The following DBT variants were observed in gnomAD, a reference collection of about 807,000 sequenced individuals.
The protein encoded by DBT is dihydrolipoamide branched chain transacylase E2.
A neutral mutation model predicts 51.3 loss-of-function variants in DBT; 40 were observed. That is an observed-to-expected ratio of 0.78 (90% CI 0.61 to 1.02). The LOEUF is 1.02. DBT is among the 50% of genes least tolerant of loss of function. DBT has a pLI of 0.00. For synonymous variants in DBT, 181 were observed against 190.4 expected, an observed-to-expected ratio of 0.95 and a Z score of 0.41; for missense variants, 510 against 580.2, an observed-to-expected ratio of 0.88 and a Z score of 1.24.
Position 100,217,312 on chromosome 1 carries a change from A to C in DBT, c.556-1113T>G, listed in dbSNP as rs192462129. Among the ~76,000 whole-genome samples the C allele has an allele frequency of 3.3e-3, 505 of 152,298 alleles. 9 individuals are homozygous for C. The highest frequency in any genetic ancestry group is 7.4e-4 in the Non-Finnish European group (50 of 68,012). ...TTTATAGATTTCAAAGCAAAATGTT[A>C]AATCATTATTTCATCTGATGCCCTT... On this transcript the variant is annotated intron_variant, in intron 5 of 10. Coordinates refer to ENST00000370132, the MANE Select transcript of DBT (RefSeq NM_001918.5).
chr1:100,196,034 C>T lies in DBT; in HGVS notation c.*221G>A, dbSNP rs776380372. 3 of 588,214 alleles carry T rather than the reference C, an allele frequency of 5.1e-6. No homozygotes were observed. The highest frequency in any genetic ancestry group is 9.0e-6 in the Non-Finnish European group (3 of 332,414). 36.4% of individuals were successfully genotyped at this position (588,214 alleles called of 1,614,324 possible). On this transcript the variant is annotated 3_prime_UTR_variant, in exon 11 of 11. Transcript: ENST00000370132. ...ATCAGCACCATATTAAGAAGTCACA[C>T]TCTGACCTATAAAATGTGACAGCCC...
chr1:100,247,307 G>A (rs931273169), intron 1 of DBT, among the ~76,000 whole-genome samples: 4 of 152,184 alleles, frequency 2.6e-5, no homozygotes, highest in Admixed American at 1.3e-4. Flanking sequence ...ACCACTGGAG[G>A]CATATAATCC....
rs1660697846 is a variant in DBT, at chr1:100,189,140, A to G, written c.*7115T>C. On this transcript the variant is annotated 3_prime_UTR_variant, in exon 11 of 11. Transcript: ENST00000370132. ...CAGATCACTTGAGGTCAGGAGTTCG[A>G]GACCAGCCTGGCCAACATGGCGAAA... The G allele has an allele frequency of 6.6e-6, 1 of 152,214 alleles. No homozygotes were observed. Among genetic ancestry groups the G allele is most frequent in the African/African-American group, 2.4e-5 (1 of 41,444 alleles). The allele number at this position is 152,214 out of a possible 1,614,324, so 9.4% of individuals were successfully genotyped here.
At chr1:100,212,348 G>C (rs1481111311) in intron 7 of DBT, among the ~76,000 whole-genome samples, 1 of 151,928 alleles carries the variant, frequency 6.6e-6, no homozygotes, top group Non-Finnish European at 1.5e-5. Context: ...ACCAGCCTGG[G>C]CAGCACTGCG....
At position 100,200,181 on chromosome 1, in the gene DBT, G is replaced by A. The variant is rs148550399; in HGVS notation, c.1282-3759C>T. Among the ~76,000 whole-genome samples, 1,425 of 152,316 alleles carry A rather than the reference G, an allele frequency of 9.4e-3. 25 individuals are homozygous for A. The highest frequency in any genetic ancestry group is 0.033 in the African/African-American group (1,374 of 41,572). On this transcript the variant is annotated intron_variant, in intron 10 of 10. Transcript: ENST00000370132. ...GCTTGAAATTCTCGCTGCCAGCACA[G>A]CAGTCTGAAGTCGACCTGGGATGCT...
At chr1:100,235,307 T>C (rs532456210) in intron 3 of DBT, 129 bp downstream of exon 3, 1 of 586,940 alleles carries the variant, frequency 1.7e-6, no homozygotes, top group Non-Finnish European at 3.1e-6. Context: ...AAATGCATTA[T>C]GTGTTTATAA....
Position 100,217,564 on chromosome 1 carries a change from T to C in DBT, c.555+1062A>G, listed in dbSNP as rs189923139. ...GGCAGGATAACTGGCTGAAAGAATATGAACATTTTAATGACTCTATTACAT... is the reference window on the plus strand; with the variant it reads ...GGCAGGATAACTGGCTGAAAGAATACGAACATTTTAATGACTCTATTACAT... On this transcript the variant is annotated intron_variant, in intron 5 of 10. Coordinates refer to ENST00000370132, the MANE Select transcript of DBT (RefSeq NM_001918.5). Among the ~76,000 whole-genome samples, 432 of 152,362 alleles carry C rather than the reference T, an allele frequency of 2.8e-3. 3 individuals carry two copies. The highest frequency in any genetic ancestry group is 0.01 in the African/African-American group (416 of 41,586).
chr1:100,237,102 T>C (rs1223342120), intron 2 of DBT, among the ~76,000 whole-genome samples: 1 of 152,164 alleles, frequency 6.6e-6, no homozygotes, highest in Non-Finnish European at 1.5e-5. Flanking sequence ...AGAAGTGAAG[T>C]GTGAAGGTTC....
At chr1:100,201,665 G>A (rs1661440408) in intron 10 of DBT, among the ~76,000 whole-genome samples, 1 of 152,162 alleles carries the variant, frequency 6.6e-6, no homozygotes, top group Non-Finnish European at 1.5e-5. Context: ...CAAAGGTCGG[G>A]TTACCCACAA....
At chr1:100,209,325 C>A (rs920485371) in intron 8 of DBT, among the ~76,000 whole-genome samples, 15 of 151,832 alleles carry the variant, frequency 9.9e-5, no homozygotes, top group Non-Finnish European at 1.9e-4. Flanking sequence ...GTCTTGAATT[C>A]CTAGGCTCAA....
chr1:100,196,007 A>G lies in DBT; in HGVS notation c.*248T>C. ...CCAGTTTCAAGCCATTGACACAAAAACATCAGCACCATATTAAGAAGTCAC... is the reference window on the plus strand; with the variant it reads ...CCAGTTTCAAGCCATTGACACAAAAGCATCAGCACCATATTAAGAAGTCAC... On this transcript the variant is annotated 3_prime_UTR_variant, in exon 11 of 11. Coordinates refer to ENST00000370132, the MANE Select transcript of DBT (RefSeq NM_001918.5). 1.9e-6 allele frequency: 1 copy of G among 516,082 alleles called. No homozygotes were observed. Among genetic ancestry groups the G allele is most frequent in the Non-Finnish European group, 3.5e-6 (1 of 288,470 alleles). 32.0% of individuals were successfully genotyped at this position (516,082 alleles called of 1,614,324 possible). A position where few individuals can be genotyped will look rare whatever the true frequency, so the allele number is the denominator to read the frequency against.
At chr1:100,235,662 C>A in intron 2 of DBT, 151 bp from the exon 3 acceptor site, 1 of 559,860 alleles carries the variant, frequency 1.8e-6, no homozygotes, top group Non-Finnish European at 3.3e-6. Context: ...TTTTTAAGAG[C>A]ATAACCATTA....
chr1:100,215,454 C>T (rs149086310), intron 6 of DBT, among the ~76,000 whole-genome samples: 31 of 152,270 alleles, frequency 2.0e-4, no homozygotes, highest in African/African-American at 5.5e-4. Context: ...AACCTGCTAA[C>T]GTATTACTCT....
intron 10 of DBT, among the ~76,000 whole-genome samples, chr1:100,204,454 G>A (rs181713677): frequency 0.019 from 2,860 of 152,066 alleles, 38 homozygotes; most frequent in Non-Finnish European, 0.031. Flanking sequence ...AAATACAAGG[G>A]GACACAAACA....
At chr1:100,221,792 T>C (rs1200120571) in intron 4 of DBT, among the ~76,000 whole-genome samples, 3 of 152,204 alleles carry the variant, frequency 2.0e-5, no homozygotes, top group Non-Finnish European at 2.9e-5. Context: ...AAAGCAAATT[T>C]ATAATAAAAC....
At chr1:100,243,299 C>CT (rs1439084430) in intron 1 of DBT, among the ~76,000 whole-genome samples, 1 of 150,684 alleles carries the variant, frequency 6.6e-6, no homozygotes, top group African/African-American at 2.4e-5. Context: ...GAAAAATAGC[C>CT]TTTTTAGACA....
At chr1:100,230,402 T>C (rs991599471) in intron 4 of DBT, among the ~76,000 whole-genome samples, 10 of 152,174 alleles carry the variant, frequency 6.6e-5, no homozygotes, top group Admixed American at 2.0e-4. Context: ...TGTGGAACAA[T>C]GTATAATGCC....
At chr1:100,220,526 G>T (rs1479194581) in intron 4 of DBT, among the ~76,000 whole-genome samples, 1 of 152,114 alleles carries the variant, frequency 6.6e-6, no homozygotes, top group African/African-American at 2.4e-5. Context: ...GCCCAGTGGA[G>T]CTACAAAGAA....
At position 100,243,940 on chromosome 1, in the gene DBT, G is replaced by GAA. The variant is rs111614499; in HGVS notation, c.52-3058_52-3057dup. The stretch of plus-strand genomic sequence containing the variant: ...TCTTTAATATAGTCCATAGGTTTAC[G>GAA]AAAAAAAAAAAAAAGAGACATAGGC... On this transcript the variant is annotated intron_variant, in intron 1 of 10. Coordinates refer to ENST00000370132, the MANE Select transcript of DBT (RefSeq NM_001918.5). 1.3e-3 allele frequency among the ~76,000 whole-genome samples: 183 copies of GAA among 135,998 alleles called. 2 individuals carry two copies. Among genetic ancestry groups the GAA allele is most frequent in the South Asian group, 2.8e-3 (12 of 4,318 alleles). 89.2% of individuals were successfully genotyped at this position (135,998 alleles called of 152,430 possible).
Sources: gnomAD v4.1 joint callset for allele counts (sites outside exome capture counted in the v4.1 genomes callset) on GRCh38, gnomAD v4.1.1 for gene constraint, MANE v1.5 for transcripts, NCBI Gene and HGNC (gene_info 2026-07-23, HGNC 2026-07-21) for gene names.